PTPN11: variants seen among roughly 807,000 people sequenced by gnomAD.
PTPN11 encodes protein tyrosine phosphatase non-receptor type 11, also known as tyrosine-protein phosphatase non-receptor type 11.
PTPN11 carries 6 observed loss-of-function variants against 78.8 expected under a neutral mutation model. The ratio of observed to expected loss-of-function variants is 0.08; its 90% CI spans 0.04 to 0.15. The LOEUF (loss-of-function observed/expected upper bound fraction) is 0.15. Ranked by LOEUF, PTPN11 falls within the 10% of genes least tolerant of loss-of-function variation. PTPN11 has a pLI of 1.00. For missense variants in PTPN11, 386 were observed against 744.8 expected (o/e 0.52, Z 5.61); for synonymous variants, 221 against 263.5 (o/e 0.84, Z 1.56).
At position 112,456,080 on chromosome 12, in the gene PTPN11, CTGTTTT is replaced by C; in HGVS notation, c.756+19_756+24del. 6.6e-7 allele frequency: 1 copy of C among 1,520,868 alleles called. No homozygotes were observed. The highest frequency in any genetic ancestry group is 1.1e-5 in the South Asian group (1 of 88,934). The allele number at this position is 1,520,868 out of a possible 1,614,324, so 94.2% of individuals were successfully genotyped here. A position where few individuals can be genotyped will look rare whatever the true frequency, so the allele number is the denominator to read the frequency against. ...GAATTTGAGGTAAGTTATTAAAAAA[CTGTTTT>C]TACGTGAGTTGTTATATCCTATTTT... On this transcript the variant is annotated intron_variant, in intron 6 of 15. Coordinates refer to ENST00000351677, the MANE Select transcript of PTPN11 (RefSeq NM_002834.5).
intron 6 of PTPN11, 146 bp from the exon 7 acceptor site, chr12:112,472,798 A>G (rs2038439307): frequency 1.3e-6 from 1 of 782,728 alleles, no homozygotes; most frequent in African/African-American, 1.7e-5. Context: ...ATCACGCCTG[A>G]CCCAGATGAA....
At chr12:112,455,904 T>A in intron 5 of PTPN11, 46 bp from the exon 6 acceptor site, 1 of 1,148,466 alleles carries the variant, frequency 8.7e-7, no homozygotes, top group Non-Finnish European at 1.3e-6. Context: ...AACACCGTTT[T>A]CTGTAATATT....
intron 7 of PTPN11, among the ~76,000 whole-genome samples, chr12:112,473,331 T>C (rs2038448041): frequency 1.3e-5 from 2 of 152,302 alleles, no homozygotes; most frequent in South Asian, 4.1e-4. Context: ...TCTCAAGGCT[T>C]GGGATCTCTC....
intron 3 of PTPN11, among the ~76,000 whole-genome samples, chr12:112,452,680 A>G (rs1052474699): frequency 3.3e-5 from 5 of 152,078 alleles, no homozygotes; most frequent in African/African-American, 1.2e-4. Context: ...GGCAGTTGCC[A>G]CCATGCCAGG....
intron 1 of PTPN11, 149 bp from the exon 2 acceptor site, chr12:112,446,124 AAGG>A (rs1325213159): frequency 1.4e-5 from 13 of 946,512 alleles, no homozygotes; most frequent in Admixed American, 8.4e-5. Flanking sequence ...GGCATTGACC[AAGG>A]AGAAGAGGGG....
intron 2 of PTPN11, 108 bp downstream of exon 2, chr12:112,446,506 C>T (rs748590111): frequency 3.9e-5 from 59 of 1,514,002 alleles, no homozygotes; most frequent in Non-Finnish European, 5.3e-5. Context: ...AAGGCCTTAT[C>T]TGAGCCCTGG....
In PTPN11 at chr12:112,482,287, TGCA is replaced by T; in HGVS notation, c.1224+83_1224+85del. ...TCAGGGTCTTGCCGTTACTCATGTT[TGCA>T]TACATGCATGCATTCGCTCACTCAT... On this transcript the variant is annotated intron_variant, in intron 10 of 15. Transcript: ENST00000351677. The surrounding 1 kb of genome is among the most constrained non-coding windows in gnomAD (Gnocchi z 4.4). The T allele has an allele frequency of 6.8e-7, 1 of 1,467,600 alleles. No individual in the cohort carries two copies. The highest frequency in any genetic ancestry group is 1.1e-5 in the South Asian group (1 of 87,260). 90.9% of individuals were successfully genotyped at this position (1,467,600 alleles called of 1,614,324 possible). A position where few individuals can be genotyped will look rare whatever the true frequency, so the allele number is the denominator to read the frequency against.
Position 112,453,216 on chromosome 12 carries a change from T to G in PTPN11, c.354T>G (p.Ser118=). The change falls in exon 4 of 16, where the codon TCT becomes TCG. Residue 118 remains serine, a synonymous_variant. Transcript: ENST00000351677. ...TSERWFHGHL[S]GKEAEKLLTE... Reference sequence around the variant, plus strand: ...TTAGGTGGTTTCATGGACATCTCTCTGGGAAAGAAGCAGAGAAATTATTAA... The same window carrying G: ...TTAGGTGGTTTCATGGACATCTCTCGGGGAAAGAAGCAGAGAAATTATTAA... The G allele has an allele frequency of 6.2e-7, 1 of 1,612,462 alleles. No individual in the cohort carries two copies.
At chr12:112,442,329 G>A (rs1483740288) in intron 1 of PTPN11, among the ~76,000 whole-genome samples, 1 of 151,780 alleles carries the variant, frequency 6.6e-6, no homozygotes, top group East Asian at 1.9e-4. Flanking sequence ...AGATTTTTTC[G>A]AATTTTGGAA....
At chr12:112,469,851 GA>G (rs2038386301) in intron 6 of PTPN11, among the ~76,000 whole-genome samples, 1 of 152,000 alleles carries the variant, frequency 6.6e-6, no homozygotes, top group Non-Finnish European at 1.5e-5. Context: ...TTGTGAAGGA[GA>G]AAAAGAGGAG....
At chr12:112,475,490 A>C (rs555047066) in intron 7 of PTPN11, among the ~76,000 whole-genome samples, 1 of 152,330 alleles carries the variant, frequency 6.6e-6, no homozygotes, top group East Asian at 1.9e-4. Context: ...CCTAGGCTCA[A>C]GCAATCCTCC....
intron 1 of PTPN11, among the ~76,000 whole-genome samples, chr12:112,441,269 T>G (rs1252714682): frequency 6.7e-6 from 1 of 148,994 alleles, no homozygotes; most frequent in African/African-American, 2.5e-5. Flanking sequence ...CAGCCTTTTT[T>G]TTTTAAATCT....
chr12:112,503,766 C>T (rs968541965), intron 14 of PTPN11, among the ~76,000 whole-genome samples: 3 of 152,130 alleles, frequency 2.0e-5, no homozygotes, highest in Non-Finnish European at 4.4e-5. Context: ...TCATTCCCGT[C>T]GTCTCCCTTG....
At chr12:112,497,171 C>CAAAA (rs59581934) in intron 13 of PTPN11, among the ~76,000 whole-genome samples, 2 of 73,566 alleles carry the variant, frequency 2.7e-5, no homozygotes, top group Non-Finnish European at 3.2e-5. Flanking sequence ...GACTCTGTCT[C>CAAAA]AAAAAAAAAA....
At chr12:112,462,770 T>C (rs1468575937) in intron 6 of PTPN11, among the ~76,000 whole-genome samples, 1 of 152,202 alleles carries the variant, frequency 6.6e-6, no homozygotes, top group Non-Finnish European at 1.5e-5. Flanking sequence ...CTTCATTCTT[T>C]TTTTACTGTA....
intron 4 of PTPN11, among the ~76,000 whole-genome samples, chr12:112,453,722 C>T (rs1040424204): frequency 8.0e-5 from 12 of 150,458 alleles, no homozygotes; most frequent in African/African-American, 1.2e-4. Context: ...TGCTCTGTCA[C>T]GCAGGCTGGA....
At chr12:112,456,189 A>G (rs1592831696) in intron 6 of PTPN11, 126 bp downstream of exon 6, 2 of 722,568 alleles carry the variant, frequency 2.8e-6, no homozygotes, top group Non-Finnish European at 5.0e-6. Flanking sequence ...TAATTCGGCC[A>G]TTGATTGACA....
intron 1 of PTPN11, among the ~76,000 whole-genome samples, chr12:112,433,679 A>G (rs1180081324): frequency 6.6e-6 from 1 of 152,270 alleles, no homozygotes; most frequent in Non-Finnish European, 1.5e-5. Flanking sequence ...GGCTGGGCGC[A>G]GTGGCTCATG....
chr12:112,452,644 C>T (rs928247039), intron 3 of PTPN11, among the ~76,000 whole-genome samples: 4 of 152,226 alleles, frequency 2.6e-5, no homozygotes, highest in East Asian at 1.9e-4. Flanking sequence ...CCTCCTGCCT[C>T]GGCCTTGTGT....
Sources: allele counts gnomAD v4.1 joint callset (sites outside exome capture counted in the v4.1 genomes callset), GRCh38; gene constraint gnomAD v4.1.1; non-coding constraint Gnocchi (gnomAD v3.1); transcripts MANE v1.5; gene names NCBI Gene and HGNC (gene_info 2026-07-23, HGNC 2026-07-21).